Variants in GPD2 observed in about 807,000 individuals in gnomAD.
The protein encoded by GPD2 is glycerol-3-phosphate dehydrogenase, mitochondrial.
In GPD2, 54 loss-of-function variants were observed where a neutral mutation model predicts 82.4. The ratio of observed to expected loss-of-function variants is 0.66; its 90% CI spans 0.53 to 0.82. GPD2 has a LOEUF of 0.82. Among genes scored for constraint, GPD2 ranks in the 40% least tolerant of loss-of-function variants. The pLI, the probability that GPD2 is intolerant of heterozygous loss-of-function variation, is 0.00. For synonymous variants in GPD2, 288 were observed against 306.1 expected, an observed-to-expected ratio of 0.94 and a Z score of 0.62; for missense variants, 748 against 896.2, an observed-to-expected ratio of 0.83 and a Z score of 2.11.
chr2:156,586,194 TTTGA>T lies in GPD2; in HGVS notation c.*3279_*3282del, dbSNP rs1688209730. On this transcript the variant is annotated 3_prime_UTR_variant, in exon 17 of 17. Transcript: ENST00000438166. ...TTGATGTTACTTGCAGTCAGATAAC[TTTGA>T]TTACTGTTGAAGTTTAAAAAAAGTT... 1 of 152,460 alleles carries T rather than the reference TTTGA, an allele frequency of 6.6e-6. No individual in the cohort carries two copies. The highest frequency in any genetic ancestry group is 2.1e-4 in the South Asian group (1 of 4,834). The allele number at this position is 152,460 out of a possible 1,614,324, so 9.4% of individuals were successfully genotyped here.
chr2:156,484,593 A>T (rs564814903), intron 2 of GPD2, among the ~76,000 whole-genome samples: 15 of 152,108 alleles, frequency 9.9e-5, no homozygotes, highest in African/African-American at 3.6e-4. Flanking sequence ...TAATCCCAGC[A>T]CTTTGGGAGG....
intron 1 of GPD2, among the ~76,000 whole-genome samples, chr2:156,439,418 A>G (rs753174913): frequency 2.7e-5 from 4 of 150,058 alleles, no homozygotes; most frequent in Non-Finnish European, 5.9e-5. Context: ...CCATCTTTAC[A>G]AAAAAATACA....
chr2:156,470,036 A>T (rs892217343), intron 1 of GPD2, among the ~76,000 whole-genome samples: 2 of 152,070 alleles, frequency 1.3e-5, no homozygotes, highest in Non-Finnish European at 2.9e-5. Flanking sequence ...GCCCATTTTT[A>T]TGGTTATTTC....
At chr2:156,491,435 A>G (rs1186622271) in intron 2 of GPD2, among the ~76,000 whole-genome samples, 1 of 152,264 alleles carries the variant, frequency 6.6e-6, no homozygotes, top group Non-Finnish European at 1.5e-5. Context: ...GCTGAAGACC[A>G]TAATTTGCTG....
chr2:156,476,876 A>G (rs1200045863), intron 2 of GPD2, among the ~76,000 whole-genome samples: 2 of 152,182 alleles, frequency 1.3e-5, no homozygotes, highest in Non-Finnish European at 2.9e-5. Flanking sequence ...CGTAGTAGTT[A>G]GTATCAGTCT....
chr2:156,460,758 T>C (rs1558909653), intron 1 of GPD2, among the ~76,000 whole-genome samples: 1 of 152,214 alleles, frequency 6.6e-6, no homozygotes, highest in Non-Finnish European at 1.5e-5. Context: ...TGTCTGTTCA[T>C]TGTTGTTAGC....
chr2:156,499,779 TATTA>T (rs1479886752), intron 3 of GPD2, among the ~76,000 whole-genome samples: 2 of 151,726 alleles, frequency 1.3e-5, no homozygotes, highest in Middle Eastern at 3.4e-3. Flanking sequence ...ATGATGTTCT[TATTA>T]ATTATTCTTT....
At chr2:156,415,999 C>T in the GPD2 span, among the ~76,000 whole-genome samples, 2 of 93,884 alleles carry the variant, frequency 2.1e-5, no homozygotes, top group African/African-American at 6.2e-5. Context: ...CCAGCCTGGG[C>T]GACAGAGCGA....
chr2:156,451,735 G>A (rs1380538429), intron 1 of GPD2, among the ~76,000 whole-genome samples: 3 of 148,294 alleles, frequency 2.0e-5, no homozygotes, highest in African/African-American at 2.5e-5. Context: ...CGGCTGGCCG[G>A]GCGGGGGGCT....
At chr2:156,469,555 G>A (rs1321128278) in intron 1 of GPD2, among the ~76,000 whole-genome samples, 1 of 152,148 alleles carries the variant, frequency 6.6e-6, no homozygotes, top group Non-Finnish European at 1.5e-5. Flanking sequence ...GGACACTTAG[G>A]TTGATTGAAA....
intron 3 of GPD2, among the ~76,000 whole-genome samples, chr2:156,502,830 T>A (rs966531851): frequency 2.6e-5 from 4 of 150,970 alleles, no homozygotes; most frequent in Non-Finnish European, 5.9e-5. Context: ...TAATAGACTA[T>A]GTCTTTTAAT....
the GPD2 span, among the ~76,000 whole-genome samples, chr2:156,424,591 G>A: frequency 6.6e-6 from 1 of 152,222 alleles, no homozygotes; most frequent in Non-Finnish European, 1.5e-5. Flanking sequence ...AAAGGACTTA[G>A]ATCAGAGATG....
intron 1 of GPD2, among the ~76,000 whole-genome samples, chr2:156,442,532 C>G (rs1316970494): frequency 6.6e-6 from 1 of 152,116 alleles, no homozygotes; most frequent in Admixed American, 6.5e-5. Context: ...AGGATATTGG[C>G]TAAGTGTTGG....
At chr2:156,498,946 T>C (rs1684486430) in intron 3 of GPD2, among the ~76,000 whole-genome samples, 1 of 152,180 alleles carries the variant, frequency 6.6e-6, no homozygotes, top group South Asian at 2.1e-4. Context: ...TTAAATGTCA[T>C]GTACCAACCT....
At chr2:156,560,836 C>T (rs1687140105) in intron 9 of GPD2, among the ~76,000 whole-genome samples, 1 of 152,112 alleles carries the variant, frequency 6.6e-6, no homozygotes, top group Admixed American at 6.5e-5. Context: ...TATTCAATTA[C>T]ATGCTACTGT....
In GPD2 at chr2:156,585,826, T is replaced by C. The variant is rs941963152; in HGVS notation, c.*2908T>C. The C allele has an allele frequency of 2.6e-5, 4 of 152,484 alleles. No individual in the cohort carries two copies. The highest frequency in any genetic ancestry group is 9.7e-5 in the African/African-American group (4 of 41,420). 9.4% of individuals were successfully genotyped at this position (152,484 alleles called of 1,614,324 possible). A position where few individuals can be genotyped will look rare whatever the true frequency, so the allele number is the denominator to read the frequency against. ...CGATGTTTGCATCATGTCAACCTTT[T>C]TGAAGGAGTGAAAAAGCCCTACTAT... On this transcript the variant is annotated 3_prime_UTR_variant, in exon 17 of 17. Transcript: ENST00000438166.
intron 13 of GPD2, among the ~76,000 whole-genome samples, chr2:156,571,823 T>A (rs7590718): frequency 0.27 from 40,822 of 151,984 alleles, 5,578 homozygotes; most frequent in South Asian, 0.32. Flanking sequence ...TAAGTAGATC[T>A]TTATGTTTTT....
chr2:156,527,303 A>G (rs1685645696), intron 6 of GPD2, among the ~76,000 whole-genome samples: 1 of 152,154 alleles, frequency 6.6e-6, no homozygotes, highest in Non-Finnish European at 1.5e-5. Context: ...TTTTATAAAT[A>G]TAACTAACAC....
chr2:156,542,893 G>C (rs1686376882), intron 6 of GPD2, among the ~76,000 whole-genome samples: 1 of 151,930 alleles, frequency 6.6e-6, no homozygotes, highest in South Asian at 2.1e-4. Context: ...TAATCTGTTT[G>C]ATTTTATCTG....
Sources: allele counts gnomAD v4.1 joint callset (sites outside exome capture counted in the v4.1 genomes callset), GRCh38; gene constraint gnomAD v4.1.1; transcripts MANE v1.5; gene names NCBI Gene and HGNC (gene_info 2026-07-23, HGNC 2026-07-21).